Variants in NF1 observed in about 807,000 individuals in gnomAD.
NF1 encodes neurofibromin 1, also known as neurofibromin.
Under a neutral mutation model 325.7 loss-of-function variants are expected in NF1, and 122 were observed. The ratio of observed to expected loss-of-function variants is 0.37; its 90% CI spans 0.32 to 0.44. NF1 has a LOEUF of 0.44. Among genes scored for constraint, NF1 ranks in the 20% least tolerant of loss-of-function variants. NF1 has a pLI of 1.00. For synonymous variants in NF1, 1,091 were observed against 1,186.0 expected (o/e 0.92, Z 1.65); for missense variants, 2,140 against 3,415.4 (o/e 0.63, Z 9.31).
chr17:31,107,970 A>C (rs1041997948), intron 1 of NF1, among the ~76,000 whole-genome samples: 1 of 151,514 alleles, frequency 6.6e-6, no homozygotes, highest in African/African-American at 2.4e-5. Flanking sequence ...AGTATGCACA[A>C]AAAAATAAAA....
chr17:31,344,354 C>A (rs745541941), intron 48 of NF1, among the ~76,000 whole-genome samples: 28 of 152,160 alleles, frequency 1.8e-4, no homozygotes, highest in Non-Finnish European at 3.5e-4. Flanking sequence ...TAACATGGGG[C>A]AGTCATGGCC....
At chr17:31,236,509 G>A (rs997383140) in intron 29 of NF1, among the ~76,000 whole-genome samples, 4 of 151,968 alleles carry the variant, frequency 2.6e-5, no homozygotes, top group African/African-American at 7.3e-5. Flanking sequence ...GCGCAGTCTC[G>A]GCTCACTGCA....
intron 1 of NF1, among the ~76,000 whole-genome samples, chr17:31,113,479 A>T (rs1158706061): frequency 2.6e-5 from 4 of 151,660 alleles, no homozygotes; most frequent in African/African-American, 9.7e-5. Flanking sequence ...CCTGGCCTCA[A>T]GCTGTCCTCT....
chr17:31,320,415 C>G, intron 36 of NF1: 1 of 1,609,614 alleles, frequency 6.2e-7, no homozygotes, highest in South Asian at 1.1e-5. Flanking sequence ...GTTTCCAAAC[C>G]AACTCCTAAG....
At chr17:31,313,010 C>T (rs956149996) in intron 36 of NF1, among the ~76,000 whole-genome samples, 6 of 151,996 alleles carry the variant, frequency 3.9e-5, no homozygotes, top group Admixed American at 6.6e-5. Context: ...TATTAATATA[C>T]GCATGCATGT....
intron 1 of NF1, among the ~76,000 whole-genome samples, chr17:31,148,716 G>A (rs1916740316): frequency 6.6e-6 from 1 of 151,978 alleles, no homozygotes; most frequent in Admixed American, 6.6e-5. Context: ...GGCACTAGGA[G>A]TCATAGAATT....
At chr17:31,145,036 C>T (rs941063424) in intron 1 of NF1, among the ~76,000 whole-genome samples, 7 of 152,124 alleles carry the variant, frequency 4.6e-5, no homozygotes, top group Non-Finnish European at 7.4e-5. Flanking sequence ...AATCTCTGAC[C>T]GCATCCCCTA....
At chr17:31,264,481 A>G (rs2151469281) in intron 35 of NF1, among the ~76,000 whole-genome samples, 1 of 152,282 alleles carries the variant, frequency 6.6e-6, no homozygotes, top group South Asian at 2.1e-4. Flanking sequence ...TACAGTCAGT[A>G]TAGACAGATA....
At chr17:31,273,062 TA>T (rs1338244943) in intron 36 of NF1, among the ~76,000 whole-genome samples, 4 of 152,092 alleles carry the variant, frequency 2.6e-5, no homozygotes, top group Non-Finnish European at 5.9e-5. Context: ...TTCAATGCAA[TA>T]AATATGGGGG....
chr17:31,201,217 A>G, intron 10 of NF1, 58 bp downstream of exon 10: 2 of 1,602,604 alleles, frequency 1.2e-6, no homozygotes, highest in Non-Finnish European at 1.7e-6. Flanking sequence ...CTTTATAAAC[A>G]AAAAGACTAT....
chr17:31,261,040 C>G (rs142250254), intron 34 of NF1, among the ~76,000 whole-genome samples: 2 of 152,028 alleles, frequency 1.3e-5, no homozygotes, highest in Admixed American at 6.6e-5. Context: ...GTCAGGAGTT[C>G]GAGATCAGGC....
chr17:31,286,156 G>C (rs1424452811), intron 36 of NF1, among the ~76,000 whole-genome samples: 2 of 152,024 alleles, frequency 1.3e-5, no homozygotes, highest in African/African-American at 2.4e-5. Flanking sequence ...GTGCATTGGG[G>C]CAATCTTGGC....
intron 36 of NF1, chr17:31,318,376 C>G (rs2069081386): frequency 1.2e-6 from 2 of 1,613,926 alleles, no homozygotes; most frequent in African/African-American, 2.7e-5. Context: ...TGTGAGCACT[C>G]CAGTAGATTG....
intron 36 of NF1, among the ~76,000 whole-genome samples, chr17:31,280,227 A>ATT: frequency 6.7e-6 from 1 of 149,436 alleles, no homozygotes; most frequent in African/African-American, 2.5e-5. Context: ...TTTTTTTTAA[A>ATT]AAAGAAAGAA....
chr17:31,256,741 A>G (rs2067589683), intron 31 of NF1, among the ~76,000 whole-genome samples: 1 of 152,212 alleles, frequency 6.6e-6, no homozygotes, highest in Non-Finnish European at 1.5e-5. Flanking sequence ...TTTAGGTTTT[A>G]AAGCCATTCT....
At chr17:31,103,682 T>C (rs1188066255) in intron 1 of NF1, among the ~76,000 whole-genome samples, 1 of 152,008 alleles carries the variant, frequency 6.6e-6, no homozygotes, top group East Asian at 1.9e-4. Context: ...TTTTAAAAAA[T>C]GTTTTGGCTG....
At chr17:31,217,791 C>G (rs957149385) in intron 13 of NF1, among the ~76,000 whole-genome samples, 32 of 151,238 alleles carry the variant, frequency 2.1e-4, no homozygotes, top group African/African-American at 7.3e-4. Context: ...ATGGTGAAAC[C>G]CCATCTCTAA....
At chr17:31,130,370 T>A (rs1173335767) in intron 1 of NF1, among the ~76,000 whole-genome samples, 1 of 152,220 alleles carries the variant, frequency 6.6e-6, no homozygotes, top group Non-Finnish European at 1.5e-5. Context: ...GAATCAATTC[T>A]TGTTCGCATG....
chr17:31,185,315 A>G (rs534133643), intron 8 of NF1, among the ~76,000 whole-genome samples: 95 of 152,230 alleles, frequency 6.2e-4, no homozygotes, highest in Non-Finnish European at 1.2e-3. Flanking sequence ...TGAGTTTTCT[A>G]ATTTATATAA....
Sources: gnomAD v4.1 joint callset for allele counts (sites outside exome capture counted in the v4.1 genomes callset) on GRCh38, gnomAD v4.1.1 for gene constraint, MANE v1.5 for transcripts, NCBI Gene and HGNC (gene_info 2026-07-23, HGNC 2026-07-21) for gene names.